Variants in C5orf46 observed in about 807,000 individuals in gnomAD.
The protein encoded by C5orf46 is chromosome 5 open reading frame 46.
C5orf46 carries 9 observed loss-of-function variants against 8.9 expected under a neutral mutation model. The ratio of observed to expected loss-of-function variants is 1.01; its 90% confidence interval spans 0.61 to 1.76. C5orf46 has a LOEUF of 1.76. C5orf46 is among the 40% of genes most tolerant of loss of function. The probability of loss-of-function intolerance (pLI) is 0.00; values close to 1 mark genes in which losing one functional copy is unlikely to be tolerated. For synonymous variants in C5orf46, 47 were observed against 41.4 expected (o/e 1.14, Z -0.52); for missense variants, 98 against 107.8 (o/e 0.91, Z 0.40).
chr5:147,890,766 A>G (rs1757491763), downstream of C5orf46, among the ~76,000 whole-genome samples: 1 of 152,162 alleles, frequency 6.6e-6, no homozygotes, highest in Non-Finnish European at 1.5e-5. Context: ...GGATCCCAAT[A>G]TGGCTGGAGT....
downstream of C5orf46, among the ~76,000 whole-genome samples, chr5:147,891,358 G>A (rs1757500697): frequency 1.3e-5 from 2 of 152,148 alleles, no homozygotes. Context: ...TCTTATTGGA[G>A]GGTAGGGGAA....
intron 3 of C5orf46, among the ~76,000 whole-genome samples, chr5:147,896,778 T>C (rs1025515600): frequency 6.6e-6 from 1 of 152,190 alleles, no homozygotes; most frequent in Non-Finnish European, 1.5e-5. Context: ...TCACTTCATC[T>C]CACAGCTCTA....
chr5:147,905,109 A>G (rs17717793), intron 1 of C5orf46, among the ~76,000 whole-genome samples: 3,363 of 152,142 alleles, frequency 0.022, 97 homozygotes, highest in East Asian at 0.11. Context: ...TCCTAGAAAC[A>G]ATCTTCAAAG....
chr5:147,892,459 C>T (rs1757516587), downstream of C5orf46, among the ~76,000 whole-genome samples: 1 of 152,122 alleles, frequency 6.6e-6, no homozygotes, highest in Admixed American at 6.6e-5. Context: ...AAACTTTTAA[C>T]TCTGAAATTG....
downstream of C5orf46, among the ~76,000 whole-genome samples, chr5:147,891,773 T>G (rs904359112): frequency 3.3e-5 from 5 of 152,324 alleles, no homozygotes; most frequent in African/African-American, 1.2e-4. Flanking sequence ...GGATGTGATA[T>G]TTGAAATTGA....
chr5:147,895,209 C>A (rs1338748519), intron 3 of C5orf46, among the ~76,000 whole-genome samples: 1 of 152,148 alleles, frequency 6.6e-6, no homozygotes, highest in Non-Finnish European at 1.5e-5. Flanking sequence ...TCCAAGTGAT[C>A]ACTTAGATCA....
At chr5:147,901,840 G>C in intron 1 of C5orf46, 67 bp from the exon 2 acceptor site, 1 of 1,525,180 alleles carries the variant, frequency 6.6e-7, no homozygotes, top group Non-Finnish European at 8.9e-7. Context: ...TTCTGTGTGG[G>C]GAACGCTTGG....
chr5:147,903,619 A>G (rs540321440), intron 1 of C5orf46, among the ~76,000 whole-genome samples: 7 of 152,232 alleles, frequency 4.6e-5, no homozygotes, highest in Non-Finnish European at 7.3e-5. Context: ...ATTGTTTACT[A>G]TGACACAACT....
intron 2 of C5orf46, 78 bp from the exon 3 acceptor site, chr5:147,897,119 A>C: frequency 1.6e-6 from 1 of 630,110 alleles, no homozygotes; most frequent in South Asian, 2.4e-5. Flanking sequence ...GGCGCTGTAT[A>C]ATGTTTGAGC....
downstream of C5orf46, among the ~76,000 whole-genome samples, chr5:147,889,741 G>A (rs895025216): frequency 3.9e-5 from 6 of 152,088 alleles, no homozygotes; most frequent in African/African-American, 9.7e-5. Flanking sequence ...TTCGAGTTTG[G>A]CTCCAGCGTT....
chr5:147,891,518 C>A (rs1757503078), downstream of C5orf46, among the ~76,000 whole-genome samples: 1 of 152,082 alleles, frequency 6.6e-6, no homozygotes, highest in African/African-American at 2.4e-5. Context: ...CAACCCTCAA[C>A]ATGAAAAAGT....
Position 147,901,764 on chromosome 5 carries a change from G to T in C5orf46, c.80C>A (p.Pro27Gln). The change falls in exon 2 of 4, where the codon CCA becomes CAA. Residue 27 changes from proline to glutamine, a missense_variant. Coordinates refer to ENST00000318315, the MANE Select transcript of C5orf46 (RefSeq NM_206966.3). The stretch of plus-strand genomic sequence containing the variant: ...GTCTGGCTTGTCGTCTGGCTTGTCT[G>T]GTTTGTCGTCTGAAAAACAACAGAA... The part of the protein sequence containing the change: ...LFLTCYADDK[P>Q]DKPDDKPDDS... 6.2e-7 allele frequency: 1 copy of T among 1,613,492 alleles called. No individual in the cohort carries two copies. The highest frequency in any genetic ancestry group is 8.5e-7 in the Non-Finnish European group (1 of 1,179,780).
chr5:147,890,554 T>C (rs1460273681), downstream of C5orf46, among the ~76,000 whole-genome samples: 1 of 152,060 alleles, frequency 6.6e-6, no homozygotes, highest in Non-Finnish European at 1.5e-5. Flanking sequence ...CCAAAGAATA[T>C]AGACGTATTA....
intron 2 of C5orf46, among the ~76,000 whole-genome samples, chr5:147,900,203 G>GTCT (rs2127129843): frequency 6.6e-6 from 1 of 152,186 alleles, no homozygotes; most frequent in South Asian, 2.1e-4. Flanking sequence ...TACATTAACA[G>GTCT]TCTTGGAAAA....
At chr5:147,906,325 T>TGCCCAAAGA (rs1480146484) in intron 1 of C5orf46, 107 bp downstream of exon 1, 1 of 561,760 alleles carries the variant, frequency 1.8e-6, no homozygotes, top group African/African-American at 1.9e-5. Flanking sequence ...CTTTCTGGAG[T>TGCCCAAAGA]GCCCAAAGAC....
chr5:147,893,297 T>C (rs1161857095), intron 3 of C5orf46, among the ~76,000 whole-genome samples: 3 of 151,066 alleles, frequency 2.0e-5, no homozygotes, highest in Non-Finnish European at 4.4e-5. Context: ...TTTTTTTTTT[T>C]TTTTGAGACA....
Position 147,901,613 on chromosome 5 carries a change from T to G in C5orf46, c.215+16A>C. 6.2e-7 allele frequency: 1 copy of G among 1,610,012 alleles called. No homozygotes were observed. Among genetic ancestry groups the G allele is most frequent in the Non-Finnish European group, 8.5e-7 (1 of 1,177,790 alleles). Reference sequence around the variant, plus strand: ...CAGAGAATTGGACAAAAAGCAACGTTTTTCTCAGTGCTTACGTGCTCCTGG... The same window carrying G: ...CAGAGAATTGGACAAAAAGCAACGTGTTTCTCAGTGCTTACGTGCTCCTGG... On this transcript the variant is annotated intron_variant, in intron 2 of 3. Coordinates refer to ENST00000318315, the MANE Select transcript of C5orf46 (RefSeq NM_206966.3).
chr5:147,906,525 C>G lies in C5orf46; in HGVS notation c.-24G>C, dbSNP rs1241072894. The G allele has an allele frequency of 1.9e-6, 3 of 1,571,438 alleles. No homozygotes were observed. The highest frequency in any genetic ancestry group is 2.7e-5 in the African/African-American group (2 of 74,246). On this transcript the variant is annotated 5_prime_UTR_variant, in exon 1 of 4. Coordinates refer to ENST00000318315, the MANE Select transcript of C5orf46 (RefSeq NM_206966.3). The stretch of plus-strand genomic sequence containing the variant: ...ATTCTGGTAGCACGGGGTATTCGTG[C>G]AGATAAATTGTTCAGATACATGTGA...
At chr5:147,896,386 C>T (rs929976848) in intron 3 of C5orf46, among the ~76,000 whole-genome samples, 1 of 152,126 alleles carries the variant, frequency 6.6e-6, no homozygotes, top group Non-Finnish European at 1.5e-5. Flanking sequence ...AATCACTTAG[C>T]TTAATGCCTA....
Sources: allele counts gnomAD v4.1 joint callset (sites outside exome capture counted in the v4.1 genomes callset), GRCh38; gene constraint gnomAD v4.1.1; transcripts MANE v1.5; gene names NCBI Gene and HGNC (gene_info 2026-07-23, HGNC 2026-07-21).